Variants in NOD1 observed in about 807,000 individuals in gnomAD.
The protein encoded by NOD1 is nucleotide binding oligomerization domain containing 1, also known as nucleotide-binding oligomerization domain-containing protein 1.
NOD1 carries 70 observed loss-of-function variants against 81.2 expected under a neutral mutation model. The ratio of observed to expected loss-of-function variants is 0.86; its 90% CI spans 0.71 to 1.05. The LOEUF is 1.05. Ranked by LOEUF, NOD1 falls within the 50% of genes least tolerant of loss-of-function variation. NOD1 has a pLI of 0.00. For missense variants in NOD1, 1,233 were observed against 1,228.0 expected (o/e 1.00, Z -0.06); for synonymous variants, 508 against 526.9 (o/e 0.96, Z 0.49).
chr7:30,428,247 T>G (rs1196611523), intron 13 of NOD1, among the ~76,000 whole-genome samples: 1 of 152,104 alleles, frequency 6.6e-6, no homozygotes, highest in Non-Finnish European at 1.5e-5. Context: ...ATTTTTGTAG[T>G]GACGGGGTTT....
In NOD1 at chr7:30,478,298, G is replaced by A. The variant is rs1330207680; in HGVS notation, c.-352+308C>T. ...TGAGATTCTGATGGAATTGATCTAG[G>A]GTGCAGCCTGGATATCTGGATTTTA... is the stretch of plus-strand genomic sequence containing the variant. On this transcript the variant is annotated intron_variant, in intron 1 of 13. Coordinates refer to ENST00000222823, the MANE Select transcript of NOD1 (RefSeq NM_006092.4). This position sits in a 1 kb window ranked among gnomAD's most constrained non-coding sequence, Gnocchi z 4.1. Among the ~76,000 whole-genome samples, 1 of 152,130 alleles carries A rather than the reference G, an allele frequency of 6.6e-6. No homozygotes were observed. Among genetic ancestry groups the A allele is most frequent in the Non-Finnish European group, 1.5e-5 (1 of 68,018 alleles).
intron 4 of NOD1, among the ~76,000 whole-genome samples, chr7:30,455,547 A>G (rs939239904): frequency 2.0e-5 from 3 of 152,138 alleles, no homozygotes; most frequent in African/African-American, 7.2e-5. Context: ...CCATGAGCCT[A>G]AAAATAAAAA....
chr7:30,463,664 T>C (rs1558067), intron 1 of NOD1: 88,020 of 152,196 alleles, frequency 0.58, 28,112 homozygotes, highest in African/African-American at 0.87. Flanking sequence ...CCAGGGGACC[T>C]TGAGCGGAGA....
At chr7:30,461,170 AATTT>A (rs972307664) in intron 1 of NOD1, among the ~76,000 whole-genome samples, 4 of 152,200 alleles carry the variant, frequency 2.6e-5, no homozygotes, top group South Asian at 2.1e-4. Flanking sequence ...ATCCATACAA[AATTT>A]ATTTATTATT....
Position 30,448,283 on chromosome 7 carries a change from T to G in NOD1, c.2285+15A>C. The G allele has an allele frequency of 6.2e-7, 1 of 1,603,110 alleles. No individual in the cohort carries two copies. The highest frequency in any genetic ancestry group is 8.5e-7 in the Non-Finnish European group (1 of 1,169,950). ...TTACTAGGTAGTTGGCCCAGTGTTC[T>G]GGAGAAAGACATACCCCAAATAGGT... On this transcript the variant is annotated intron_variant, in intron 7 of 13. Coordinates refer to ENST00000222823, the MANE Select transcript of NOD1 (RefSeq NM_006092.4).
Position 30,424,527 on chromosome 7 carries a change from T to TAAGA in NOD1, c.*1107_*1110dup, listed in dbSNP as rs1352567715. 6.6e-6 allele frequency: 1 copy of TAAGA among 152,014 alleles called. No individual in the cohort carries two copies. 9.4% of individuals were successfully genotyped at this position (152,014 alleles called of 1,614,324 possible). A position where few individuals can be genotyped will look rare whatever the true frequency, so the allele number is the denominator to read the frequency against. On this transcript the variant is annotated 3_prime_UTR_variant, in exon 14 of 14. Coordinates refer to ENST00000222823, the MANE Select transcript of NOD1 (RefSeq NM_006092.4). Reference sequence around the variant, plus strand: ...CTTCAAAAACTCCAGACTCAACCCGTAAGAGTGTTTTCAGTATTTTATTAA... The same window carrying TAAGA: ...CTTCAAAAACTCCAGACTCAACCCGTAAGAAAGAGTGTTTTCAGTATTTTATTAA...
intron 1 of NOD1, among the ~76,000 whole-genome samples, chr7:30,473,952 G>A (rs2128108895): frequency 6.6e-6 from 1 of 152,258 alleles, no homozygotes; most frequent in Non-Finnish European, 1.5e-5. Context: ...GATAAAATGA[G>A]CTAAAAACAA....
At chr7:30,469,405 A>ACTCCCTCTTCCCTCCCTC (rs1788039908) in intron 1 of NOD1, among the ~76,000 whole-genome samples, 6 of 150,474 alleles carry the variant, frequency 4.0e-5, no homozygotes, top group Non-Finnish European at 7.4e-5. Context: ...TCCCCTCCCT[A>ACTCCCTCTTCCCTCCCTC]CTCCCTCTTC....
At chr7:30,450,116 C>T (rs2128046034) in intron 6 of NOD1, among the ~76,000 whole-genome samples, 1 of 152,248 alleles carries the variant, frequency 6.6e-6, no homozygotes, top group South Asian at 2.1e-4. Flanking sequence ...ATCGCTTGAA[C>T]CCAGGAGGCG....
At position 30,458,067 on chromosome 7, in the gene NOD1, T is replaced by C. The variant is rs1225212903; in HGVS notation, c.-121-1025A>G. Among the ~76,000 whole-genome samples the C allele has an allele frequency of 5.3e-5, 8 of 152,248 alleles. No homozygotes were observed. The East Asian group carries it at 1.2e-3, about 22-fold the overall frequency. On this transcript the variant is annotated intron_variant, in intron 3 of 13. Transcript: ENST00000222823. Reference sequence around the variant, plus strand: ...AGAGAGGTATCTCTCTGGAAACCCTTGAAAACCTGGTACAAGTGCTGAGTT... The same window carrying C: ...AGAGAGGTATCTCTCTGGAAACCCTCGAAAACCTGGTACAAGTGCTGAGTT...
intron 13 of NOD1, among the ~76,000 whole-genome samples, chr7:30,429,077 C>T (rs937545223): frequency 2.0e-5 from 3 of 152,212 alleles, no homozygotes; most frequent in African/African-American, 7.2e-5. Context: ...TTTCACTGGC[C>T]ACTTCCCCCA....
Position 30,451,363 on chromosome 7 carries a change from C to T in NOD1, c.2054G>A (p.Cys685Tyr), listed in dbSNP as rs1785684831. Reference sequence around the variant, plus strand: ...GCTGCAGTCGGCCGAGCAGGCGTTGCAGTAGGTCAGCTTGAGGTAGTTGGC... The same window carrying T: ...GCTGCAGTCGGCCGAGCAGGCGTTGTAGTAGGTCAGCTTGAGGTAGTTGGC... ...ICANYLKLTY[C>Y]NACSADCSAL... The change falls in exon 6 of 14, where the codon TGC (cysteine) becomes TAC (tyrosine). Residue 685 changes from cysteine to tyrosine, a missense_variant. Physicochemically the swap from Cys to Tyr is radical, Grantham distance 194. Coordinates refer to ENST00000222823, the MANE Select transcript of NOD1 (RefSeq NM_006092.4). The surrounding 1 kb of genome is among the most constrained non-coding windows in gnomAD (Gnocchi z 4.2). 1.2e-6 allele frequency: 2 copies of T among 1,614,208 alleles called. No individual in the cohort carries two copies. The highest frequency in any genetic ancestry group is 1.7e-6 in the Non-Finnish European group (2 of 1,180,046).
intron 1 of NOD1, among the ~76,000 whole-genome samples, chr7:30,464,895 T>C (rs928050072): frequency 6.6e-6 from 1 of 152,172 alleles, no homozygotes; most frequent in African/African-American, 2.4e-5. Context: ...AGCGAATCAT[T>C]TACTAATTTC....
Position 30,455,587 on chromosome 7 carries a change from CCT to C in NOD1, c.202-278_202-277del, listed in dbSNP as rs561112276. On this transcript the variant is annotated intron_variant, in intron 4 of 13. Transcript: ENST00000222823. ...AGACAAATAGCCATGGACTTCTCTA[CCT>C]CTTTTTTTTTTTTTTCTTTTTTGAG... 9.0e-4 allele frequency among the ~76,000 whole-genome samples: 118 copies of C among 131,308 alleles called. 2 individuals carry two copies. The East Asian group carries it at 0.02, about 22-fold the overall frequency. 86.1% of individuals were successfully genotyped at this position (131,308 alleles called of 152,430 possible). A position where few individuals can be genotyped will look rare whatever the true frequency, so the allele number is the denominator to read the frequency against.
rs756787306 is a variant in NOD1, at chr7:30,429,407, G to A, written c.2756C>T (p.Ala919Val). Residue 919 changes from alanine (A) to valine (V), a missense_variant, in exon 13 of 14, where the codon GCG becomes GTG. Physicochemically the swap from Ala to Val is moderately conservative, Grantham distance 64 (BLOSUM62 0). Transcript: ENST00000222823. ...TAKGTAQLAD[A>V]LQSNTGITEI... ...TGTTATGCCAGTGTTGCTCTGTAAC[G>A]CATCTGCCAGCTGGGCAGTCCCCTT... 6.2e-6 allele frequency: 10 copies of A among 1,614,084 alleles called. No individual in the cohort carries two copies. Among genetic ancestry groups the A allele is most frequent in the South Asian group, 3.3e-5 (3 of 91,082 alleles).
intron 1 of NOD1, chr7:30,475,718 A>G (rs1788711149): frequency 6.6e-6 from 1 of 152,248 alleles, no homozygotes; most frequent in Non-Finnish European, 1.5e-5. Flanking sequence ...CTCTGCCCAC[A>G]GTTTGGACTG....
chr7:30,468,720 C>T (rs575302325), intron 1 of NOD1: 11 of 687,078 alleles, frequency 1.6e-5, no homozygotes, highest in Non-Finnish European at 2.0e-5. Flanking sequence ...CACCAACCCC[C>T]AACATAACTG....
At chr7:30,447,108 CCT>C (rs747431558) in intron 7 of NOD1, 58 bp from the exon 8 acceptor site, 103 of 1,612,252 alleles carry the variant, frequency 6.4e-5, no homozygotes, top group African/African-American at 2.3e-4. Context: ...TTTAATAGCC[CCT>C]GTTTTTTGAA....
intron 1 of NOD1, among the ~76,000 whole-genome samples, chr7:30,470,498 C>T (rs556089520): frequency 1.3e-4 from 20 of 152,320 alleles, no homozygotes; most frequent in African/African-American, 4.1e-4. Flanking sequence ...TCCACTGATA[C>T]GTGGATTTCC....
Sources: allele counts gnomAD v4.1 joint callset (sites outside exome capture counted in the v4.1 genomes callset), GRCh38; gene constraint gnomAD v4.1.1; non-coding constraint Gnocchi (gnomAD v3.1); transcripts MANE v1.5; gene names NCBI Gene and HGNC (gene_info 2026-07-23, HGNC 2026-07-21).